Variants in CEP135 observed in about 807,000 individuals in gnomAD.
The protein encoded by CEP135 is centrosomal protein 135, also known as centrosomal protein of 135 kDa.
In CEP135, 142 loss-of-function variants were observed where a neutral mutation model predicts 157.3. The observed-to-expected ratio is 0.90, with a 90% CI of 0.79 to 1.04. The LOEUF (loss-of-function observed/expected upper bound fraction) is 1.04, where lower values mean the gene tolerates loss of function less well. CEP135 is among the 50% of genes least tolerant of loss of function. The pLI is 0.00. For missense variants in CEP135, 1,317 were observed against 1,309.2 expected (o/e 1.01, Z -0.09); for synonymous variants, 396 against 439.8 (o/e 0.90, Z 1.25).
rs9992612 is a variant in CEP135, at chr4:55,994,846, C to T, written c.2009+2761C>T. Among the ~76,000 whole-genome samples, 994 of 151,956 alleles carry T rather than the reference C, an allele frequency of 6.5e-3. 12 individuals carry two copies. The highest frequency in any genetic ancestry group is 0.023 in the African/African-American group (950 of 41,438). ...GATTACAGGCGCCTGCCACCATGCC[C>T]GGATAACTTTTGTATTTTTAGTAGA... On this transcript the variant is annotated intron_variant, in intron 15 of 25. Transcript: ENST00000257287.
chr4:56,017,988 T>C (rs1730839156), intron 22 of CEP135, 131 bp downstream of exon 22: 2 of 770,214 alleles, frequency 2.6e-6, no homozygotes, highest in South Asian at 3.9e-5. Context: ...TGTGATGGAG[T>C]TTTGCTCTGT....
chr4:56,031,258 A>G (rs924210744), intron 25 of CEP135, 102 bp from the exon 26 acceptor site: 3 of 152,640 alleles, frequency 2.0e-5, no homozygotes, highest in Admixed American at 6.5e-5. Flanking sequence ...ATTAGATTCT[A>G]TAATTTCATT....
chr4:56,012,047 CTTTA>C (rs965709020), intron 21 of CEP135, 62 bp downstream of exon 21: 98 of 990,816 alleles, frequency 9.9e-5, no homozygotes, highest in South Asian at 1.2e-4. Flanking sequence ...TTCAAAGATA[CTTTA>C]TTTATTTATT....
chr4:55,999,568 G>A lies in CEP135; in HGVS notation c.2203G>A (p.Glu735Lys), dbSNP rs748311087. 6.2e-6 allele frequency: 10 copies of A among 1,610,944 alleles called. No homozygotes were observed. In the Admixed American group the frequency reaches 1.7e-4, roughly 27 times the overall value. ...AAAGACCATTGGTGTTATTGATAAA[G>A]AAAAAGACTTTCTCCAGGAGACTGT... The part of the protein sequence containing the change: ...MKKTIGVIDK[E>K]KDFLQETVDE... The change falls in exon 17 of 26, where the codon GAA (glutamate) becomes AAA (lysine). Residue 735 changes from glutamate (E) to lysine (K), a missense_variant. By Grantham distance (56) the Glu-to-Lys change is moderately conservative (BLOSUM62 1). Transcript: ENST00000257287.
At chr4:55,985,440 A>G in intron 14 of CEP135, 82 bp downstream of exon 14, 1 of 516,634 alleles carries the variant, frequency 1.9e-6, no homozygotes, top group East Asian at 3.8e-5. Flanking sequence ...CTATTTTTTA[A>G]TTTTAATTTT....
intron 6 of CEP135, chr4:55,960,687 G>A (rs1201453198): frequency 6.6e-6 from 1 of 152,096 alleles, no homozygotes; most frequent in Non-Finnish European, 1.5e-5. Flanking sequence ...CACTTTGGGA[G>A]GCCGAGGCGG....
At chr4:56,025,699 G>A (rs1577918248) in intron 25 of CEP135, among the ~76,000 whole-genome samples, 1 of 152,118 alleles carries the variant, frequency 6.6e-6, no homozygotes, top group East Asian at 1.9e-4. Flanking sequence ...TATTGGAAAG[G>A]ATAGGAACTA....
At chr4:55,986,895 C>T (rs1729606775) in intron 14 of CEP135, among the ~76,000 whole-genome samples, 1 of 152,204 alleles carries the variant, frequency 6.6e-6, no homozygotes, top group African/African-American at 2.4e-5. Flanking sequence ...AGTGTCACCT[C>T]ATCATGGATT....
At chr4:56,006,249 A>G (rs953704958) in intron 17 of CEP135, among the ~76,000 whole-genome samples, 64 of 151,978 alleles carry the variant, frequency 4.2e-4, no homozygotes, top group Non-Finnish European at 3.2e-4. Flanking sequence ...TCTTGTAGGC[A>G]ATTTTTGTTC....
At chr4:55,967,101 A>AT (rs1009142671) in intron 8 of CEP135, among the ~76,000 whole-genome samples, 9 of 151,312 alleles carry the variant, frequency 5.9e-5, no homozygotes, top group Non-Finnish European at 1.2e-4. Flanking sequence ...AAAAGAGTGA[A>AT]TTTTTTTTTA....
intron 15 of CEP135, among the ~76,000 whole-genome samples, chr4:55,994,032 A>T (rs981588919): frequency 3.9e-5 from 6 of 152,222 alleles, no homozygotes; most frequent in African/African-American, 1.4e-4. Context: ...AAGTGTATCA[A>T]TCATATTCTC....
At chr4:56,014,541 T>C (rs1305153133) in intron 21 of CEP135, among the ~76,000 whole-genome samples, 1 of 152,204 alleles carries the variant, frequency 6.6e-6, no homozygotes, top group Non-Finnish European at 1.5e-5. Flanking sequence ...TGTTATAAAG[T>C]GACAGAGAAC....
rs538569118 is a variant in CEP135, at chr4:55,978,985, C to G, written c.1474-1158C>G. Among the ~76,000 whole-genome samples the G allele has an allele frequency of 3.1e-4, 47 of 152,344 alleles. 1 individual carries two copies. The highest frequency in any genetic ancestry group is 8.4e-4 in the African/African-American group (35 of 41,578). The stretch of plus-strand genomic sequence containing the variant: ...AAAGAGTTCGGATAACTAATCCCAT[C>G]CATCATGCCTCGGTTTTGCTTATTT... On this transcript the variant is annotated intron_variant, in intron 11 of 25. Coordinates refer to ENST00000257287, the MANE Select transcript of CEP135 (RefSeq NM_025009.5).
intron 21 of CEP135, among the ~76,000 whole-genome samples, chr4:56,016,094 G>T (rs754669253): frequency 3.9e-5 from 6 of 152,160 alleles, no homozygotes; most frequent in African/African-American, 1.4e-4. Context: ...GATACAGTAC[G>T]TACAGAGAAG....
At chr4:55,997,146 A>C (rs1341975756) in intron 15 of CEP135, among the ~76,000 whole-genome samples, 2 of 152,230 alleles carry the variant, frequency 1.3e-5, no homozygotes, top group Non-Finnish European at 2.9e-5. Context: ...AACAACTAAT[A>C]ATGGCAGTCA....
chr4:55,971,480 TATTCATTC>T (rs890782163), intron 10 of CEP135, 72 bp downstream of exon 10: 7 of 1,355,196 alleles, frequency 5.2e-6, no homozygotes, highest in Middle Eastern at 5.1e-4. Flanking sequence ...TCTTAGTAGA[TATTCATTC>T]ATTCATTCAT....
chr4:55,963,741 G>T (rs772360461), intron 6 of CEP135, among the ~76,000 whole-genome samples: 1 of 152,132 alleles, frequency 6.6e-6, no homozygotes, highest in Non-Finnish European at 1.5e-5. Flanking sequence ...GTGAAACTCC[G>T]TCTCAAAAAG....
chr4:55,950,106 A>G (rs1241176181), intron 1 of CEP135, among the ~76,000 whole-genome samples: 1 of 152,200 alleles, frequency 6.6e-6, no homozygotes, highest in African/African-American at 2.4e-5. Flanking sequence ...TTGTGGAAAG[A>G]ACCTAGGAAA....
rs772771471 is a variant in CEP135 at position 55,981,334 on chromosome 4, A to C, written c.1734A>C (p.Leu578Phe). ...AAAAAGAACTTGCGTTATCTGACTTAAGAAGAATTATGGCAGAAAAGGAAG... is the reference window on the plus strand; with the variant it reads ...AAAAAGAACTTGCGTTATCTGACTTCAGAAGAATTATGGCAGAAAAGGAAG... ...EKEKELALSD[L>F]RRIMAEKEAL... is the part of the protein sequence containing the mutation. The change falls in exon 13 of 26, where the codon TTA becomes TTC. Residue 578 changes from leucine to phenylalanine, a missense_variant. Physicochemically the swap from Leu to Phe is conservative, Grantham distance 22. Transcript: ENST00000257287. The C allele has an allele frequency of 6.3e-7, 1 of 1,593,474 alleles. No homozygotes were observed. Among genetic ancestry groups the C allele is most frequent in the South Asian group, 1.2e-5 (1 of 85,762 alleles).
Sources: gnomAD v4.1 joint callset for allele counts (sites outside exome capture counted in the v4.1 genomes callset) on GRCh38, gnomAD v4.1.1 for gene constraint, MANE v1.5 for transcripts, NCBI Gene and HGNC (gene_info 2026-07-23, HGNC 2026-07-21) for gene names.